Variants in TREH observed in about 807,000 individuals in gnomAD.
The protein encoded by TREH is alpha,alpha-trehalose glucohydrolase.
Under a neutral mutation model 80.5 loss-of-function variants are expected in TREH, and 69 were observed. That is an observed-to-expected ratio of 0.86 (90% CI 0.71 to 1.05). TREH has a LOEUF of 1.05. TREH is among the 50% of genes least tolerant of loss of function. The pLI, the probability that TREH is intolerant of heterozygous loss-of-function variation, is 0.00. For synonymous variants in TREH, 309 were observed against 293.5 expected, an observed-to-expected ratio of 1.05 and a Z score of -0.54; for missense variants, 716 against 718.8, an observed-to-expected ratio of 1.00 and a Z score of 0.04.
Position 118,658,187 on chromosome 11 carries a change from C to A in TREH, c.*102G>T. The A allele has an allele frequency of 6.9e-7, 1 of 1,459,570 alleles. No homozygotes were observed. The highest frequency in any genetic ancestry group is 2.2e-5 in the Admixed American group (1 of 45,346). The allele number at this position is 1,459,570 out of a possible 1,614,324, so 90.4% of individuals were successfully genotyped here. A position where few individuals can be genotyped will look rare whatever the true frequency, so the allele number is the denominator to read the frequency against. On this transcript the variant is annotated 3_prime_UTR_variant, in exon 15 of 15. Coordinates refer to ENST00000264029, the MANE Select transcript of TREH (RefSeq NM_007180.3). ...CCTGCCCTCCACTTCGCTCTGAGGA[C>A]AGGCTGGGAGGTAGGAGGGCATGAA...
chr11:118,672,713 CAAAAAAAAAAAA>C (rs58199596), intron 1 of TREH, among the ~76,000 whole-genome samples: 1 of 43,946 alleles, frequency 2.3e-5, no homozygotes, highest in Non-Finnish European at 4.5e-5. Context: ...GACTCCATCT[CAAAAAAAAAAAA>C]AAAAAAAAAA....
intron 1 of TREH, among the ~76,000 whole-genome samples, chr11:118,664,759 G>T (rs1002435417): frequency 6.6e-6 from 1 of 152,166 alleles, no homozygotes; most frequent in Non-Finnish European, 1.5e-5. Flanking sequence ...AACATTTGCT[G>T]TCTACAGTGG....
intron 1 of TREH, among the ~76,000 whole-genome samples, chr11:118,672,713 C>CAAAAAAAAAAAAA (rs58199596): frequency 4.6e-5 from 2 of 43,946 alleles, no homozygotes; most frequent in Non-Finnish European, 4.5e-5. Context: ...GACTCCATCT[C>CAAAAAAAAAAAAA]AAAAAAAAAA....
chr11:118,663,720 A>G (rs1949351034), intron 1 of TREH, among the ~76,000 whole-genome samples: 1 of 152,076 alleles, frequency 6.6e-6, no homozygotes, highest in Non-Finnish European at 1.5e-5. Context: ...CTGGTGGACA[A>G]AGGGAGGTTA....
At chr11:118,672,342 G>A (rs1949437401) in intron 1 of TREH, among the ~76,000 whole-genome samples, 1 of 151,892 alleles carries the variant, frequency 6.6e-6, no homozygotes, top group African/African-American at 2.4e-5. Flanking sequence ...AGGTTGCAGT[G>A]AGCTGAGATC....
chr11:118,665,497 A>G (rs190214188), intron 1 of TREH, among the ~76,000 whole-genome samples: 94 of 152,170 alleles, frequency 6.2e-4, no homozygotes, highest in Admixed American at 1.0e-3. Context: ...AAAATTAGCC[A>G]GGCATGGTGG....
At chr11:118,659,591 C>A in intron 11 of TREH, 110 bp from the exon 12 acceptor site, 1 of 1,357,834 alleles carries the variant, frequency 7.4e-7, no homozygotes. Context: ...CTCTTCTTTT[C>A]TCGGCTCACA....
intron 1 of TREH, among the ~76,000 whole-genome samples, chr11:118,677,962 A>T (rs4938522): frequency 0.35 from 52,810 of 151,550 alleles, 9,434 homozygotes; most frequent in Admixed American, 0.47. Flanking sequence ...TATATTCCAC[A>T]ATTGTCATGG....
chr11:118,672,258 T>A (rs1396426854), intron 1 of TREH, among the ~76,000 whole-genome samples: 1 of 151,740 alleles, frequency 6.6e-6, no homozygotes, highest in African/African-American at 2.4e-5. Flanking sequence ...ATTAGCCGGG[T>A]GTGGTGGCAC....
chr11:118,663,193 TGTTCTG>T lies in TREH; in HGVS notation c.191-3_193del. On this transcript the variant is annotated splice_acceptor_variant and splice_polypyrimidine_tract_variant and coding_sequence_variant and intron_variant, in exon 3 of 15. Transcript: ENST00000264029. LOFTEE classifies it high-confidence loss of function. ...CAGCTCAGTGAAGGTCTGCAGGACTTGTTCTGGAGAGCAGGCAGCAGGGAGGGGTCA... is the reference window on the plus strand; with the variant it reads ...CAGCTCAGTGAAGGTCTGCAGGACTTGAGAGCAGGCAGCAGGGAGGGGTCA... The T allele has an allele frequency of 6.2e-7, 1 of 1,608,162 alleles. No individual in the cohort carries two copies. Among genetic ancestry groups the T allele is most frequent in the Middle Eastern group, 1.7e-4 (1 of 6,058 alleles).
Position 118,659,451 on chromosome 11 carries a change from T to A in TREH, c.1351A>T (p.Ile451Phe). The A allele has an allele frequency of 6.2e-7, 1 of 1,606,380 alleles. No individual in the cohort carries two copies. Among genetic ancestry groups the A allele is most frequent in the Non-Finnish European group, 8.5e-7 (1 of 1,176,102 alleles). The change falls in exon 12 of 15, where the codon ATC becomes TTC. Residue 451 changes from isoleucine to phenylalanine, a missense_variant. Physicochemically the swap from Ile to Phe is conservative, Grantham distance 21. Transcript: ENST00000264029. ...DNRILTYQYG[I>F]PTSLQKTGQQ... ...CCTGTCTTCTGGAGAGAGGTCGGGA[T>A]CCCATACTGGTAAGTCAGGATCCGG...
In TREH at chr11:118,657,847, G is replaced by C. The variant is rs1423320765; in HGVS notation, c.*442C>G. 3 of 166,098 alleles carry C rather than the reference G, an allele frequency of 1.8e-5. No homozygotes were observed. The highest frequency in any genetic ancestry group is 7.2e-5 in the African/African-American group (3 of 41,858). 10.3% of individuals were successfully genotyped at this position (166,098 alleles called of 1,614,324 possible). On this transcript the variant is annotated 3_prime_UTR_variant, in exon 15 of 15. Transcript: ENST00000264029. Reference sequence around the variant, plus strand: ...CTTCCTTCAGCCTCCGAAGGGTGATGGAAATGGAGAGTGGAGGACCAGGCC... The same window carrying C: ...CTTCCTTCAGCCTCCGAAGGGTGATCGAAATGGAGAGTGGAGGACCAGGCC...
Position 118,658,734 on chromosome 11 carries a change from C to A in TREH, c.1546-1G>T, listed in dbSNP as rs782090708. The A allele has an allele frequency of 3.7e-6, 6 of 1,607,480 alleles. No homozygotes were observed. In the Admixed American group the frequency reaches 8.5e-5, roughly 23 times the overall value. On this transcript the variant is annotated splice_acceptor_variant, in intron 13 of 14. Transcript: ENST00000264029. LOFTEE classifies it high-confidence loss of function. ...GCTGTCCACCGTTGCTGACGTCATA[C>A]TGGGGACAAGCGGGTGGGCTGTATG... is the stretch of plus-strand genomic sequence containing the variant.
At chr11:118,679,439 C>A (rs1949512376) in intron 1 of TREH, 100 bp downstream of exon 1, 1 of 1,319,526 alleles carries the variant, frequency 7.6e-7, no homozygotes, top group African/African-American at 1.5e-5. Flanking sequence ...CCTTTATAAT[C>A]TCTTCCTTTC....
Position 118,660,666 on chromosome 11 carries a change from G to C in TREH, c.975C>G (p.Arg325=). The C allele has an allele frequency of 2.5e-6, 4 of 1,605,000 alleles. No individual in the cohort carries two copies. Among genetic ancestry groups the C allele is most frequent in the Non-Finnish European group, 3.4e-6 (4 of 1,175,764 alleles). Residue 325 remains arginine, a synonymous_variant, in exon 10 of 15, where the codon CGC becomes CGG. Coordinates refer to ENST00000264029, the MANE Select transcript of TREH (RefSeq NM_007180.3). ...GAESGWDFSS[R]WLIGGPNPNS... is the part of the protein sequence containing the mutation. ...TGGGGTTTGGGCCTCCAATGAGCCA[G>C]CGTGAAGAGAAGTCCCAGCCAGACT...
rs116756029 is a variant in TREH, at chr11:118,671,200, C to T, written c.90-7761G>A. 4.4e-3 allele frequency among the ~76,000 whole-genome samples: 676 copies of T among 152,168 alleles called. 8 individuals are homozygous for T. Among genetic ancestry groups the T allele is most frequent in the African/African-American group, 0.015 (639 of 41,510 alleles). On this transcript the variant is annotated intron_variant, in intron 1 of 14. Transcript: ENST00000264029. ...AGATAAGGTGAAGGCACAACCTGCC[C>T]CATCAGACCCTTAGGAATTTTCACA...
rs1555144908 is a variant in TREH at position 118,661,270 on chromosome 11, T to TA, written c.746_747insT (p.Glu249AspfsTer40). 6.2e-7 allele frequency: 1 copy of TA among 1,613,930 alleles called. No homozygotes were observed. Among genetic ancestry groups the TA allele is most frequent in the East Asian group, 2.2e-5 (1 of 44,872 alleles). On this transcript the variant is annotated frameshift_variant, in exon 8 of 15. Coordinates refer to ENST00000264029, the MANE Select transcript of TREH (RefSeq NM_007180.3). LOFTEE classifies it high-confidence loss of function. The surrounding 1 kb of genome is among the most constrained non-coding windows in gnomAD (Gnocchi z 4.2). ...AAAAGTCCAATTCCAAGGCTAGTGT[T>TA]TCAATGTTTTCCCTGGAGTGAAGCA... is the stretch of plus-strand genomic sequence containing the variant.
Position 118,663,370 on chromosome 11 carries a change from C to G in TREH, c.159G>C (p.Gln53His), listed in dbSNP as rs782494874. The change falls in exon 2 of 15, where the codon CAG becomes CAC. Residue 53 changes from glutamine (Q) to histidine (H), a missense_variant. Physicochemically the swap from Gln to His is conservative, Grantham distance 24 (BLOSUM62 0). Transcript: ENST00000264029. ...CTATAGACAGTGGCATGTCCACAAA[C>G]TGCTTGTCATCCTGGTAGAGCTTGG... The part of the protein sequence containing the change: ...QMAKLYQDDK[Q>H]FVDMPLSIAP... The G allele has an allele frequency of 6.3e-7, 1 of 1,596,902 alleles. No individual in the cohort carries two copies. The highest frequency in any genetic ancestry group is 1.7e-5 in the Admixed American group (1 of 57,750).
intron 1 of TREH, among the ~76,000 whole-genome samples, chr11:118,671,380 A>G (rs1949427873): frequency 6.6e-6 from 1 of 152,156 alleles, no homozygotes; most frequent in African/African-American, 2.4e-5. Flanking sequence ...TAGAGCTGAA[A>G]AATGCAATTG....
Sources: gnomAD v4.1 joint callset for allele counts (sites outside exome capture counted in the v4.1 genomes callset) on GRCh38, gnomAD v4.1.1 for gene constraint, Gnocchi (gnomAD v3.1) non-coding constraint, MANE v1.5 for transcripts, NCBI Gene and HGNC (gene_info 2026-07-23, HGNC 2026-07-21) for gene names.